The following A1CF variants were observed in gnomAD, a reference collection of about 807,000 sequenced individuals.
The protein encoded by A1CF is APOBEC1 complementation factor.
Under a neutral mutation model 68.9 loss-of-function variants are expected in A1CF, and 48 were observed. The ratio of observed to expected loss-of-function variants is 0.70; its 90% CI spans 0.55 to 0.89. A1CF has a LOEUF of 0.89. Ranked by LOEUF, A1CF falls within the 40% of genes least tolerant of loss-of-function variation. The probability of loss-of-function intolerance (pLI) is 0.00; values close to 1 mark genes in which losing one functional copy is unlikely to be tolerated. For missense variants in A1CF, 653 were observed against 718.9 expected, an observed-to-expected ratio of 0.91 and a Z score of 1.05; for synonymous variants, 272 against 260.4, an observed-to-expected ratio of 1.04 and a Z score of -0.43.
At chr10:50,809,797 G>C in intron 12 of A1CF, 97 bp downstream of exon 12, 1 of 1,532,222 alleles carries the variant, frequency 6.5e-7, no homozygotes, top group Non-Finnish European at 8.8e-7. Flanking sequence ...ATTGCTGTAA[G>C]TAGGGTACAC....
chr10:50,836,269 G>A lies in A1CF; in HGVS notation c.409C>T (p.Arg137Ter), dbSNP rs773465900. The A allele has an allele frequency of 3.7e-6, 6 of 1,613,774 alleles. No individual in the cohort carries two copies. Among genetic ancestry groups the A allele is most frequent in the East Asian group, 2.2e-5 (1 of 44,838 alleles). The change falls in exon 6 of 13, where the codon CGA becomes TGA. Residue 137 changes from arginine (R) to a stop codon, truncating the protein, a stop_gained. Coordinates refer to ENST00000373997, the MANE Select transcript of A1CF (RefSeq NM_014576.4). LOFTEE classifies it high-confidence loss of function. Reference protein sequence around the residue: ...LGVCASVDNCRLFVGGIPKTK... With the variant: ...LGVCASVDNC ...TTTGGGATGCCCCCAACAAATAATC[G>A]GCAGTTGTCCACACTGGCACAAACC...
chr10:50,873,312 T>C (rs1244594941), intron 1 of A1CF, among the ~76,000 whole-genome samples: 2 of 152,020 alleles, frequency 1.3e-5, no homozygotes, highest in African/African-American at 4.8e-5. Context: ...TTCTTCTGGA[T>C]TGTAGATAGC....
At chr10:50,850,631 A>C (rs1179635559) in intron 3 of A1CF, 1 of 1,613,688 alleles carries the variant, frequency 6.2e-7, no homozygotes, top group Non-Finnish European at 8.5e-7. Flanking sequence ...AGAACGAGTA[A>C]AATGCCAACT....
chr10:50,823,839 C>T (rs1838789618), intron 7 of A1CF: 1 of 152,100 alleles, frequency 6.6e-6, no homozygotes, highest in Admixed American at 6.6e-5. Flanking sequence ...CATGGTTAAA[C>T]TGATACGTGG....
chr10:50,821,189 C>A (rs557526934), intron 7 of A1CF, among the ~76,000 whole-genome samples: 1 of 152,142 alleles, frequency 6.6e-6, no homozygotes, highest in Non-Finnish European at 1.5e-5. Flanking sequence ...TCTCTATATC[C>A]TTATCCAATA....
intron 1 of A1CF, among the ~76,000 whole-genome samples, chr10:50,869,335 T>G (rs1841144563): frequency 6.6e-6 from 1 of 152,146 alleles, no homozygotes; most frequent in Admixed American, 6.6e-5. Flanking sequence ...TATTCTATTC[T>G]TATTCTTTAT....
chr10:50,838,207 T>A (rs916756071), intron 5 of A1CF, among the ~76,000 whole-genome samples: 1 of 152,110 alleles, frequency 6.6e-6, no homozygotes, highest in Non-Finnish European at 1.5e-5. Context: ...GTGTGGCAGG[T>A]TTTCTGACCA....
intron 1 of A1CF, among the ~76,000 whole-genome samples, chr10:50,869,460 C>G (rs1564532309): frequency 6.6e-6 from 1 of 152,068 alleles, no homozygotes; most frequent in Non-Finnish European, 1.5e-5. Context: ...ATCTTGAGCT[C>G]TTTTATATTG....
chr10:50,855,889 T>C (rs1007665734), intron 3 of A1CF, among the ~76,000 whole-genome samples: 1 of 152,058 alleles, frequency 6.6e-6, no homozygotes, highest in Non-Finnish European at 1.5e-5. Context: ...GATGTTTCTT[T>C]ATCTTAATTT....
intron 3 of A1CF, among the ~76,000 whole-genome samples, chr10:50,849,317 G>T (rs1180832747): frequency 2.6e-5 from 4 of 152,132 alleles, no homozygotes; most frequent in Admixed American, 2.0e-4. Context: ...TCTGTTTTTA[G>T]ACTGGAATTT....
At chr10:50,820,676 A>C in intron 7 of A1CF, 27 bp from the exon 8 acceptor site, 4 of 1,583,938 alleles carry the variant, frequency 2.5e-6, no homozygotes, top group Non-Finnish European at 3.4e-6. Context: ...AGGTTGCCCC[A>C]TTAACAAAAT....
At chr10:50,853,891 A>T (rs531182602) in intron 3 of A1CF, among the ~76,000 whole-genome samples, 1 of 151,980 alleles carries the variant, frequency 6.6e-6, no homozygotes, top group East Asian at 1.9e-4. Context: ...CATGGGGCAT[A>T]GTTTGTTGAC....
chr10:50,865,125 C>A (rs1459242432), intron 1 of A1CF, among the ~76,000 whole-genome samples: 1 of 152,012 alleles, frequency 6.6e-6, no homozygotes, highest in Non-Finnish European at 1.5e-5. Flanking sequence ...AAAAATTTAG[C>A]CAGGTGTAGT....
At chr10:50,847,406 C>A (rs547278815) in intron 3 of A1CF, among the ~76,000 whole-genome samples, 1 of 152,224 alleles carries the variant, frequency 6.6e-6, no homozygotes, top group Non-Finnish European at 1.5e-5. Context: ...GTTTATATGT[C>A]AAGAGTACTT....
At chr10:50,882,802 C>G (rs753725028) in intron 1 of A1CF, among the ~76,000 whole-genome samples, 1 of 152,116 alleles carries the variant, frequency 6.6e-6, no homozygotes, top group Non-Finnish European at 1.5e-5. Context: ...GTAATGAAAA[C>G]CATTGTGCAA....
At chr10:50,854,099 G>A (rs925800251) in intron 3 of A1CF, among the ~76,000 whole-genome samples, 1 of 151,366 alleles carries the variant, frequency 6.6e-6, no homozygotes, top group Non-Finnish European at 1.5e-5. Flanking sequence ...TTTAACTCCT[G>A]ACTGACCCTT....
intron 3 of A1CF, chr10:50,850,879 G>T: frequency 6.7e-7 from 1 of 1,495,330 alleles, no homozygotes; most frequent in South Asian, 1.3e-5. Context: ...CTTAAAGAAT[G>T]TGTAATTTAT....
intron 8 of A1CF, among the ~76,000 whole-genome samples, chr10:50,817,400 A>G (rs1838422592): frequency 6.6e-6 from 1 of 152,198 alleles, no homozygotes; most frequent in Non-Finnish European, 1.5e-5. Context: ...AGTCTGCTGG[A>G]CAAAGCTTGT....
intron 7 of A1CF, among the ~76,000 whole-genome samples, chr10:50,827,212 TAGAC>T (rs1273370898): frequency 6.6e-6 from 1 of 152,086 alleles, no homozygotes; most frequent in Middle Eastern, 3.2e-3. Context: ...CTGTCAACAT[TAGAC>T]AGATCAACGA....
Sources: gnomAD v4.1 joint callset for allele counts (sites outside exome capture counted in the v4.1 genomes callset) on GRCh38, gnomAD v4.1.1 for gene constraint, MANE v1.5 for transcripts, NCBI Gene and HGNC (gene_info 2026-07-23, HGNC 2026-07-21) for gene names.